KCNJ6: variants seen among roughly 807,000 people sequenced by gnomAD.
The protein encoded by KCNJ6 is potassium inwardly rectifying channel subfamily J member 6.
KCNJ6 carries 9 observed loss-of-function variants against 34.2 expected under a neutral mutation model. That is an observed-to-expected ratio of 0.26 (90% CI 0.16 to 0.46). The LOEUF is 0.46. KCNJ6 is among the 20% of genes least tolerant of loss of function. The pLI, the probability that KCNJ6 is intolerant of heterozygous loss-of-function variation, is 1.00. For synonymous variants in KCNJ6, 196 were observed against 207.1 expected, an observed-to-expected ratio of 0.95 and a Z score of 0.46; for missense variants, 236 against 531.3, an observed-to-expected ratio of 0.44 and a Z score of 5.46.
intron 1 of KCNJ6, among the ~76,000 whole-genome samples, chr21:37,863,847 TTTTTTTTTTTTTG>T (rs951312433): frequency 1.9e-4 from 14 of 73,638 alleles, no homozygotes; most frequent in Non-Finnish European, 3.2e-4. Flanking sequence ...AATATAAAGG[TTTTTTTTTTTTTG>T]TTTTTTTTTT....
In KCNJ6 at chr21:37,903,695, A is replaced by G. The variant is rs543593080; in HGVS notation, c.-28+12189T>C. Among the ~76,000 whole-genome samples, 10 of 152,194 alleles carry G rather than the reference A, an allele frequency of 6.6e-5. No individual in the cohort carries two copies. The South Asian group carries it at 1.5e-3, about 22-fold the overall frequency. On this transcript the variant is annotated intron_variant, in intron 1 of 3. Transcript: ENST00000609713. Reference sequence around the variant, plus strand: ...CCATGTATAAGTCTTGCCTTATTTTAGCAATATCAATAGTTCCTCTGGAAA... The same window carrying G: ...CCATGTATAAGTCTTGCCTTATTTTGGCAATATCAATAGTTCCTCTGGAAA...
intron 1 of KCNJ6, among the ~76,000 whole-genome samples, chr21:37,844,477 T>C (rs902028432): frequency 6.6e-6 from 1 of 152,090 alleles, no homozygotes. Context: ...GAAATAGCTC[T>C]GGGGGATCTA....
intron 3 of KCNJ6, among the ~76,000 whole-genome samples, chr21:37,690,825 G>A (rs2054636391): frequency 6.7e-6 from 1 of 149,892 alleles, no homozygotes; most frequent in Non-Finnish European, 1.5e-5. Flanking sequence ...TGTTGCCCAG[G>A]CTGGAGTGCA....
intron 3 of KCNJ6, among the ~76,000 whole-genome samples, chr21:37,654,884 C>T (rs1384504126): frequency 6.6e-6 from 1 of 151,830 alleles, no homozygotes; most frequent in Non-Finnish European, 1.5e-5. Context: ...CCAGCCTCAG[C>T]CAATCGGCAT....
At chr21:37,789,163 CCTT>C (rs2055205570) in intron 2 of KCNJ6, among the ~76,000 whole-genome samples, 2 of 152,118 alleles carry the variant, frequency 1.3e-5, no homozygotes, top group South Asian at 4.1e-4. Flanking sequence ...CTCTTTTTCT[CCTT>C]CTTCCTACTA....
At chr21:37,903,813 T>C (rs1041438804) in intron 1 of KCNJ6, among the ~76,000 whole-genome samples, 2 of 152,116 alleles carry the variant, frequency 1.3e-5, no homozygotes, top group South Asian at 4.1e-4. Context: ...GCAACAATAC[T>C]TGTACATTGC....
intron 1 of KCNJ6, among the ~76,000 whole-genome samples, chr21:37,893,214 T>C (rs1188651956): frequency 6.6e-6 from 1 of 151,500 alleles, no homozygotes; most frequent in African/African-American, 2.4e-5. Context: ...CCCCTATTTT[T>C]TTCTTTTTTT....
chr21:37,767,789 A>G (rs1195343826), intron 2 of KCNJ6, among the ~76,000 whole-genome samples: 1 of 152,232 alleles, frequency 6.6e-6, no homozygotes, highest in African/African-American at 2.4e-5. Flanking sequence ...TCTCCCTCCA[A>G]TAGTCCTAAA....
chr21:37,840,736 T>G, intron 1 of KCNJ6, 27 bp from the exon 2 acceptor site: 1 of 1,275,970 alleles, frequency 7.8e-7, no homozygotes, highest in South Asian at 1.2e-5. Context: ...AAGACAATTA[T>G]CTGTAAAACA....
chr21:37,899,068 T>C lies in KCNJ6; in HGVS notation c.-28+16816A>G, dbSNP rs183562218. Among the ~76,000 whole-genome samples the C allele has an allele frequency of 3.5e-3, 532 of 152,296 alleles. 3 individuals carry two copies. Among genetic ancestry groups the C allele is most frequent in the African/African-American group, 9.9e-3 (413 of 41,564 alleles). ...AATGCAAATATTTCCCTCCTTCTGT[T>C]AAGAAGTAAAGGCTTTCAACCCTTT... On this transcript the variant is annotated intron_variant, in intron 1 of 3. Coordinates refer to ENST00000609713, the MANE Select transcript of KCNJ6 (RefSeq NM_002240.5).
At position 37,690,294 on chromosome 21, in the gene KCNJ6, T is replaced by C. The variant is rs2054633821; in HGVS notation, c.946+23917A>G. Reference sequence around the variant, plus strand: ...TGAACCTGACAATAACGATTCCTCCTTGAATCTGTATTGAAGTTTATAAAG... The same window carrying C: ...TGAACCTGACAATAACGATTCCTCCCTGAATCTGTATTGAAGTTTATAAAG... On this transcript the variant is annotated intron_variant, in intron 3 of 3. Transcript: ENST00000609713. 3.9e-5 allele frequency among the ~76,000 whole-genome samples: 6 copies of C among 152,344 alleles called. No homozygotes were observed. The South Asian group carries it at 1.2e-3, about 32-fold the overall frequency.
At position 37,615,210 on chromosome 21, in the gene KCNJ6, T is replaced by A. The variant is rs1407185425; in HGVS notation, c.*9949A>T. The A allele has an allele frequency of 6.6e-6, 1 of 150,686 alleles. No individual in the cohort carries two copies. The highest frequency in any genetic ancestry group is 1.5e-5 in the Non-Finnish European group (1 of 67,994). The allele number at this position is 150,686 out of a possible 1,614,324, so 9.3% of individuals were successfully genotyped here. On this transcript the variant is annotated 3_prime_UTR_variant, in exon 4 of 4. Transcript: ENST00000609713. ...GATTTGAATATTAATGTCCTCTTTC[T>A]GAAATCAGACCCTCGACTGACATTC...
At chr21:37,783,475 G>T (rs2055179122) in intron 2 of KCNJ6, among the ~76,000 whole-genome samples, 1 of 152,120 alleles carries the variant, frequency 6.6e-6, no homozygotes, top group Admixed American at 6.6e-5. Flanking sequence ...CACCATGTAA[G>T]AAGTGCCTTT....
chr21:37,679,223 A>G (rs1280431876), intron 3 of KCNJ6, among the ~76,000 whole-genome samples: 1 of 152,202 alleles, frequency 6.6e-6, no homozygotes, highest in Non-Finnish European at 1.5e-5. Context: ...TCTTGATTGC[A>G]ACCTCATAAG....
chr21:37,906,805 G>C (rs954810087), intron 1 of KCNJ6, among the ~76,000 whole-genome samples: 7 of 152,214 alleles, frequency 4.6e-5, no homozygotes, highest in African/African-American at 1.4e-4. Context: ...TAATGTCATA[G>C]GTTCTTTATT....
In KCNJ6 at chr21:37,622,620, C is replaced by T. The variant is rs536526671; in HGVS notation, c.*2539G>A. On this transcript the variant is annotated 3_prime_UTR_variant, in exon 4 of 4. Transcript: ENST00000609713. ...GTTCTGTCTCCAACTACATTGACAA[C>T]AAAGACAGTGAGAAACAGGGAGAGA... 8.5e-5 allele frequency: 13 copies of T among 152,240 alleles called. No individual in the cohort carries two copies. Among genetic ancestry groups the T allele is most frequent in the African/African-American group, 2.9e-4 (12 of 41,542 alleles). The allele number at this position is 152,240 out of a possible 1,614,324, so 9.4% of individuals were successfully genotyped here. A position where few individuals can be genotyped will look rare whatever the true frequency, so the allele number is the denominator to read the frequency against.
At chr21:37,808,560 A>G (rs1293547632) in intron 2 of KCNJ6, among the ~76,000 whole-genome samples, 1 of 152,236 alleles carries the variant, frequency 6.6e-6, no homozygotes, top group African/African-American at 2.4e-5. Context: ...AACGCTATTG[A>G]CTTTTCCTTG....
At chr21:37,745,577 C>G (rs1421473067) in intron 2 of KCNJ6, among the ~76,000 whole-genome samples, 1 of 152,202 alleles carries the variant, frequency 6.6e-6, no homozygotes, top group South Asian at 2.1e-4. Context: ...CAGTGAGACT[C>G]CTGTTGGACT....
chr21:37,888,581 T>C (rs761751125), intron 1 of KCNJ6, among the ~76,000 whole-genome samples: 2 of 152,052 alleles, frequency 1.3e-5, no homozygotes, highest in South Asian at 4.1e-4. Context: ...AATCCTACCA[T>C]GGGGATGGGA....
Sources: allele counts gnomAD v4.1 joint callset (sites outside exome capture counted in the v4.1 genomes callset), GRCh38; gene constraint gnomAD v4.1.1; transcripts MANE v1.5; gene names NCBI Gene and HGNC (gene_info 2026-07-23, HGNC 2026-07-21).